The following MED13L variants were observed in gnomAD, a reference collection of about 807,000 sequenced individuals.
MED13L encodes mediator of RNA polymerase II transcription subunit 13-like.
MED13L carries 7 observed loss-of-function variants against 220.9 expected under a neutral mutation model. The ratio of observed to expected loss-of-function variants is 0.03; its 90% CI spans 0.02 to 0.06. The LOEUF (loss-of-function observed/expected upper bound fraction) is 0.06. Ranked by LOEUF, MED13L falls within the 10% of genes least tolerant of loss-of-function variation. The probability of loss-of-function intolerance (pLI) is 1.00; values close to 1 mark genes in which losing one functional copy is unlikely to be tolerated. For synonymous variants in MED13L, 1,011 were observed against 1,015.2 expected, an observed-to-expected ratio of 1.00 and a Z score of 0.08; for missense variants, 1,965 against 2,760.5, an observed-to-expected ratio of 0.71 and a Z score of 6.46.
At chr12:116,176,340 G>A (rs995389741) in intron 2 of MED13L, among the ~76,000 whole-genome samples, 1 of 152,108 alleles carries the variant, frequency 6.6e-6, no homozygotes, top group Non-Finnish European at 1.5e-5. Flanking sequence ...AGGCTCACAT[G>A]TAAAGTACAT....
At chr12:116,158,449 T>C (rs1239048968) in intron 2 of MED13L, among the ~76,000 whole-genome samples, 1 of 152,182 alleles carries the variant, frequency 6.6e-6, no homozygotes, top group Non-Finnish European at 1.5e-5. Context: ...CGTGGTCCTA[T>C]TTGCTGCTGG....
intron 4 of MED13L, among the ~76,000 whole-genome samples, chr12:116,078,438 G>A (rs1299091993): frequency 6.6e-6 from 1 of 152,104 alleles, no homozygotes; most frequent in Non-Finnish European, 1.5e-5. Context: ...TAGTGGTTAT[G>A]AACCTGGAAA....
At chr12:116,165,364 T>C (rs553638129) in intron 2 of MED13L, among the ~76,000 whole-genome samples, 2 of 146,734 alleles carry the variant, frequency 1.4e-5, no homozygotes, top group East Asian at 4.3e-4. Context: ...GGAGTCTCAC[T>C]CTGTCACCCA....
chr12:116,124,122 A>ATGAGAGAGAGAGAGAGAGAGAGAG (rs1565888715), intron 2 of MED13L, among the ~76,000 whole-genome samples: 1 of 91,224 alleles, frequency 1.1e-5, no homozygotes, highest in Non-Finnish European at 2.3e-5. Context: ...AGAGAGAAAG[A>ATGAGAGAGAGAGAGAGAGAGAGAG]CGAGAGAGAG....
Position 115,961,058 on chromosome 12 carries a change from T to G in MED13L, c.*208A>C. 1.5e-6 allele frequency: 1 copy of G among 683,694 alleles called. No homozygotes were observed. Among genetic ancestry groups the G allele is most frequent in the Non-Finnish European group, 2.5e-6 (1 of 401,872 alleles). 42.4% of individuals were successfully genotyped at this position (683,694 alleles called of 1,614,324 possible). ...CTGAAAGTCACCACTTATGGAAGTTTCCAGGTCCATGAGAGAAGTGTCAAG... is the reference window on the plus strand; with the variant it reads ...CTGAAAGTCACCACTTATGGAAGTTGCCAGGTCCATGAGAGAAGTGTCAAG... On this transcript the variant is annotated 3_prime_UTR_variant, in exon 31 of 31. Transcript: ENST00000281928.
chr12:116,102,907 G>A (rs1043509707), intron 3 of MED13L, among the ~76,000 whole-genome samples: 14 of 151,384 alleles, frequency 9.2e-5, no homozygotes, highest in Admixed American at 6.6e-4. Context: ...TAGTAGAGAC[G>A]GGGTTTCACC....
intron 2 of MED13L, among the ~76,000 whole-genome samples, chr12:116,187,168 C>T (rs1484553664): frequency 6.6e-6 from 1 of 152,162 alleles, no homozygotes; most frequent in Non-Finnish European, 1.5e-5. Flanking sequence ...TTTATCATAG[C>T]TATAATGTGG....
At chr12:116,231,376 T>C (rs61935856) in intron 2 of MED13L, among the ~76,000 whole-genome samples, 47 of 152,310 alleles carry the variant, frequency 3.1e-4, no homozygotes, top group Non-Finnish European at 5.7e-4. Context: ...ACCTACTCAG[T>C]ATTCTTGCCA....
chr12:115,975,363 A>G (rs1352176777), intron 24 of MED13L, 50 bp from the exon 25 acceptor site: 1 of 1,612,918 alleles, frequency 6.2e-7, no homozygotes, highest in Non-Finnish European at 8.5e-7. Context: ...GATAAATCAG[A>G]GTTATTTATC....
chr12:116,117,538 T>C (rs1482810572), intron 2 of MED13L, among the ~76,000 whole-genome samples: 2 of 152,112 alleles, frequency 1.3e-5, no homozygotes, highest in East Asian at 1.9e-4. Context: ...ATGCTAATAT[T>C]GACCTCTTTA....
intron 29 of MED13L, among the ~76,000 whole-genome samples, chr12:115,963,801 CTATAATA>C (rs1875941272): frequency 6.6e-6 from 1 of 152,074 alleles, no homozygotes; most frequent in Non-Finnish European, 1.5e-5. Context: ...CACAAAAATA[CTATAATA>C]TATAATAAGG....
intron 1 of MED13L, chr12:116,276,703 A>G (rs1311433587): frequency 9.9e-7 from 1 of 1,014,854 alleles, no homozygotes. Context: ...AAAGCCTTCC[A>G]CATTTACGGG....
Position 116,074,887 on chromosome 12 carries a change from A to G in MED13L, c.479+21782T>C, listed in dbSNP as rs578123083. Among the ~76,000 whole-genome samples the G allele has an allele frequency of 3.9e-5, 6 of 152,368 alleles. 1 individual carries two copies. Among genetic ancestry groups the G allele is most frequent in the Admixed American group, 3.9e-4 (6 of 15,306 alleles). On this transcript the variant is annotated intron_variant, in intron 4 of 30. Coordinates refer to ENST00000281928, the MANE Select transcript of MED13L (RefSeq NM_015335.5). The stretch of plus-strand genomic sequence containing the variant: ...AAATTCAGAGAATGTGTAAGGATGG[A>G]AACCATTTTCCTCTTCCTAAATATG...
At chr12:116,248,317 G>A (rs1871248566) in intron 1 of MED13L, among the ~76,000 whole-genome samples, 1 of 152,080 alleles carries the variant, frequency 6.6e-6, no homozygotes, top group Admixed American at 6.5e-5. Flanking sequence ...AGAACCAAAT[G>A]GAAAAACTGA....
chr12:116,254,981 C>G (rs1871909437), intron 1 of MED13L, among the ~76,000 whole-genome samples: 1 of 152,086 alleles, frequency 6.6e-6, no homozygotes, highest in Admixed American at 6.5e-5. Flanking sequence ...CCAATTTGAT[C>G]TACAGATTCA....
At chr12:116,178,106 T>C (rs1318480824) in intron 2 of MED13L, among the ~76,000 whole-genome samples, 4 of 152,046 alleles carry the variant, frequency 2.6e-5, no homozygotes, top group Non-Finnish European at 5.9e-5. Flanking sequence ...CTCGAACCCA[T>C]GGGCTCAATT....
chr12:115,982,173 T>A, intron 22 of MED13L: 1 of 577,004 alleles, frequency 1.7e-6, no homozygotes, highest in Non-Finnish European at 3.1e-6. Context: ...AAATTTTATG[T>A]TTAGACTTGG....
In MED13L at chr12:116,003,042, G is replaced by A. The variant is rs1361705924; in HGVS notation, c.2530C>T (p.Leu844Phe). The A allele has an allele frequency of 5.0e-6, 8 of 1,614,140 alleles. No homozygotes were observed. The highest frequency in any genetic ancestry group is 1.7e-5 in the Admixed American group (1 of 60,032). ...ACAGCAGCTCTTCCATCCTTCCCAA[G>A]AGGTCGGTCTTCTGTCCCAACTGCA... ...MPAVGTEDRP[L>F]GKDGRAAVPY... The change falls in exon 14 of 31, where the codon CTT (leucine) becomes TTT (phenylalanine). Residue 844 changes from leucine to phenylalanine, a missense_variant. Leu to Phe is a conservative substitution (Grantham distance 22). This residue lies in a region of MED13L where 818 missense variants were observed against 1,041.2 expected (regional missense o/e 0.79). Coordinates refer to ENST00000281928, the MANE Select transcript of MED13L (RefSeq NM_015335.5).
chr12:115,969,918 A>G (rs1365028920), intron 27 of MED13L, among the ~76,000 whole-genome samples: 1 of 152,218 alleles, frequency 6.6e-6, no homozygotes, highest in African/African-American at 2.4e-5. Flanking sequence ...AGTGAAAACC[A>G]TCACCTAGAA....
Sources: allele counts gnomAD v4.1 joint callset (sites outside exome capture counted in the v4.1 genomes callset), GRCh38; gene constraint gnomAD v4.1.1; regional missense constraint gnomAD v4.1.1; transcripts MANE v1.5; gene names NCBI Gene and HGNC (gene_info 2026-07-23, HGNC 2026-07-21).